The following ADAMTS18 variants were observed in gnomAD, a reference collection of about 807,000 sequenced individuals.
The protein encoded by ADAMTS18 is ADAM metallopeptidase with thrombospondin type 1 motif 18, also known as A disintegrin and metalloproteinase with thrombospondin motifs 18.
In ADAMTS18, 157 loss-of-function variants were observed where a neutral mutation model predicts 165.9. The observed-to-expected ratio is 0.95, with a 90% CI of 0.83 to 1.08. The LOEUF is 1.08. Among genes scored for constraint, ADAMTS18 ranks in the 50% least tolerant of loss-of-function variants. The pLI is 0.00. For synonymous variants in ADAMTS18, 782 were observed against 578.2 expected, an observed-to-expected ratio of 1.35 and a Z score of -5.06; for missense variants, 2,040 against 1,534.0, an observed-to-expected ratio of 1.33 and a Z score of -5.51.
intron 3 of ADAMTS18, among the ~76,000 whole-genome samples, chr16:77,383,231 G>C (rs1297454365): frequency 6.6e-6 from 1 of 152,000 alleles, no homozygotes; most frequent in East Asian, 1.9e-4. Flanking sequence ...TTTTTCCAAA[G>C]CATCGCTTTT....
At chr16:77,314,649 G>GTGTCTGTGTGTA (rs10527824) in intron 16 of ADAMTS18, among the ~76,000 whole-genome samples, 1 of 126,476 alleles carries the variant, frequency 7.9e-6, no homozygotes, top group African/African-American at 3.1e-5. Flanking sequence ...GTGTGTGTGT[G>GTGTCTGTGTGTA]TATATATATA....
At chr16:77,321,237 G>A in intron 14 of ADAMTS18, 35 bp from the exon 15 acceptor site, 1 of 1,613,550 alleles carries the variant, frequency 6.2e-7, no homozygotes, top group Non-Finnish European at 8.5e-7. Context: ...GAAAATAAAA[G>A]ATCAGAGAAG....
intron 3 of ADAMTS18, among the ~76,000 whole-genome samples, chr16:77,381,367 G>A (rs2057027638): frequency 6.6e-6 from 1 of 152,136 alleles, no homozygotes; most frequent in African/African-American, 2.4e-5. Flanking sequence ...ACCAGTTTTG[G>A]GCTGGCATAA....
intron 22 of ADAMTS18, 150 bp downstream of exon 22, chr16:77,289,114 T>C (rs975001812): frequency 1.5e-5 from 15 of 989,248 alleles, no homozygotes; most frequent in Non-Finnish European, 2.0e-5. Context: ...TGGTGCCTTA[T>C]ACAACTCCAG....
intron 11 of ADAMTS18, among the ~76,000 whole-genome samples, chr16:77,336,954 A>G (rs2056320076): frequency 6.6e-6 from 1 of 152,194 alleles, no homozygotes; most frequent in Non-Finnish European, 1.5e-5. Context: ...GGGATCGGTT[A>G]CAGAATTATG....
In ADAMTS18 at chr16:77,322,353, T is replaced by C. The variant is rs1004810983; in HGVS notation, c.2146A>G (p.Ile716Val). The C allele has an allele frequency of 7.4e-6, 12 of 1,613,904 alleles. No homozygotes were observed. The highest frequency in any genetic ancestry group is 3.3e-5 in the South Asian group (3 of 91,076). ...PCSPNKNDVCIDGVCELVGCD... is the reference protein window; with the variant it reads ...PCSPNKNDVCVDGVCELVGCD... ...TCTCTTACTTCACAAACCCCGTCAATACAAACATCATTTTTGTTTGGGGAG... is the reference window on the plus strand; with the variant it reads ...TCTCTTACTTCACAAACCCCGTCAACACAAACATCATTTTTGTTTGGGGAG... The change falls in exon 14 of 23, where the codon ATT (isoleucine) becomes GTT (valine). Residue 716 changes from isoleucine to valine, a missense_variant. By Grantham distance (29) the Ile-to-Val change is conservative. Transcript: ENST00000282849.
intron 3 of ADAMTS18, among the ~76,000 whole-genome samples, chr16:77,417,302 G>A (rs566986037): frequency 1.2e-4 from 19 of 152,064 alleles, no homozygotes; most frequent in Non-Finnish European, 1.6e-4. Context: ...GGGTGTGTGG[G>A]TGGATGGATG....
chr16:77,290,997 G>C, intron 21 of ADAMTS18: 2 of 512,546 alleles, frequency 3.9e-6, no homozygotes, highest in Non-Finnish European at 3.5e-6. Context: ...TGTATAACTG[G>C]CCTGGTGGTA....
At chr16:77,411,762 C>T (rs573191440) in intron 3 of ADAMTS18, among the ~76,000 whole-genome samples, 60 of 140,138 alleles carry the variant, frequency 4.3e-4, no homozygotes, top group African/African-American at 1.5e-3. Context: ...TCTTGGCTCA[C>T]TGCAACCTCT....
At chr16:77,431,913 T>C (rs1423760830) in intron 2 of ADAMTS18, among the ~76,000 whole-genome samples, 1 of 152,226 alleles carries the variant, frequency 6.6e-6, no homozygotes, top group Non-Finnish European at 1.5e-5. Context: ...AACATTCTTT[T>C]GATGTTTAAT....
intron 20 of ADAMTS18, among the ~76,000 whole-genome samples, chr16:77,292,121 C>A (rs1361901601): frequency 1.3e-5 from 2 of 149,618 alleles, no homozygotes; most frequent in Non-Finnish European, 2.9e-5. Context: ...GCCTCAGCAA[C>A]ATGGTGAAGC....
chr16:77,294,619 G>T lies in ADAMTS18; in HGVS notation c.3006+304C>A, dbSNP rs185321672. Reference sequence around the variant, plus strand: ...GTATTTGCGTTTCCCATTTGCTTTGGAGAATTCAGTAGCCAGTCTTCTGAT... The same window carrying T: ...GTATTTGCGTTTCCCATTTGCTTTGTAGAATTCAGTAGCCAGTCTTCTGAT... On this transcript the variant is annotated intron_variant, in intron 19 of 22. Coordinates refer to ENST00000282849, the MANE Select transcript of ADAMTS18 (RefSeq NM_199355.4). Among the ~76,000 whole-genome samples, 179 of 152,224 alleles carry T rather than the reference G, an allele frequency of 1.2e-3. 1 individual carries two copies. Among genetic ancestry groups the T allele is most frequent in the African/African-American group, 4.1e-3 (172 of 41,526 alleles).
chr16:77,415,788 G>T (rs746751238), intron 3 of ADAMTS18, among the ~76,000 whole-genome samples: 1 of 146,464 alleles, frequency 6.8e-6, no homozygotes, highest in Non-Finnish European at 1.5e-5. Flanking sequence ...TAAAAGACAC[G>T]CCATTGATGT....
At chr16:77,392,769 C>G (rs1373681255) in intron 3 of ADAMTS18, among the ~76,000 whole-genome samples, 1 of 152,092 alleles carries the variant, frequency 6.6e-6, no homozygotes, top group African/African-American at 2.4e-5. Context: ...GATGGCAGAT[C>G]TCTGTGCAAA....
intron 3 of ADAMTS18, among the ~76,000 whole-genome samples, chr16:77,406,056 G>C (rs1230978911): frequency 6.6e-6 from 1 of 152,106 alleles, no homozygotes; most frequent in African/African-American, 2.4e-5. Context: ...ACCCAAACCT[G>C]ACAAGGGTAC....
At chr16:77,393,937 G>T (rs769078903) in intron 3 of ADAMTS18, among the ~76,000 whole-genome samples, 10 of 152,210 alleles carry the variant, frequency 6.6e-5, no homozygotes, top group Non-Finnish European at 1.5e-4. Flanking sequence ...ACTTAGCCGG[G>T]ATGTACACCA....
At chr16:77,419,151 G>C (rs1376169020) in intron 3 of ADAMTS18, among the ~76,000 whole-genome samples, 1 of 95,230 alleles carries the variant, frequency 1.1e-5, no homozygotes, top group Non-Finnish European at 2.8e-5. Context: ...TCCATCTCAG[G>C]GGGAAAAAAA....
intron 3 of ADAMTS18, 114 bp from the exon 4 acceptor site, chr16:77,367,837 G>A (rs763472524): frequency 8.4e-7 from 1 of 1,183,570 alleles, no homozygotes; most frequent in Non-Finnish European, 1.3e-6. Context: ...GGAGCTAAAA[G>A]CTTCACACAT....
At position 77,336,168 on chromosome 16, in the gene ADAMTS18, G is replaced by A. The variant is rs114817884; in HGVS notation, c.1711-264C>T. On this transcript the variant is annotated intron_variant, in intron 11 of 22. Coordinates refer to ENST00000282849, the MANE Select transcript of ADAMTS18 (RefSeq NM_199355.4). ...TATGATAGGCTTTGTGAACTGTGGA[G>A]GTGACATGTTCAGATAAGATTCCAC... 1.7e-3 allele frequency among the ~76,000 whole-genome samples: 264 copies of A among 152,278 alleles called. 3 individuals carry two copies. Among genetic ancestry groups the A allele is most frequent in the African/African-American group, 5.9e-3 (245 of 41,556 alleles).
Sources: allele counts gnomAD v4.1 joint callset (sites outside exome capture counted in the v4.1 genomes callset), GRCh38; gene constraint gnomAD v4.1.1; transcripts MANE v1.5; gene names NCBI Gene and HGNC (gene_info 2026-07-23, HGNC 2026-07-21).